The following ABCC8 variants were observed in gnomAD, a reference collection of about 807,000 sequenced individuals.
ABCC8 encodes the protein ATP-binding cassette sub-family C member 8.
Under a neutral mutation model 188.0 loss-of-function variants are expected in ABCC8, and 137 were observed. The observed-to-expected ratio is 0.73, with a 90% CI of 0.63 to 0.84. The LOEUF (loss-of-function observed/expected upper bound fraction) is 0.84. ABCC8 is among the 40% of genes least tolerant of loss of function. The probability of loss-of-function intolerance (pLI) is 0.00; values close to 1 mark genes in which losing one functional copy is unlikely to be tolerated. For synonymous variants in ABCC8, 797 were observed against 846.5 expected, an observed-to-expected ratio of 0.94 and a Z score of 1.01; for missense variants, 1,750 against 2,072.7, an observed-to-expected ratio of 0.84 and a Z score of 3.02.
Position 17,404,760 on chromosome 11 carries a change from T to C in ABCC8, c.3400-91A>G. The C allele has an allele frequency of 6.6e-7, 1 of 1,521,226 alleles. No homozygotes were observed. Among genetic ancestry groups the C allele is most frequent in the Non-Finnish European group, 8.9e-7 (1 of 1,123,016 alleles). 94.2% of individuals were successfully genotyped at this position (1,521,226 alleles called of 1,614,324 possible). A position where few individuals can be genotyped will look rare whatever the true frequency, so the allele number is the denominator to read the frequency against. ...GCCGCCATGTTTTGCTCTCACTTTATTTTTTGATCCTTTATTTTTTTGAGA... is the reference window on the plus strand; with the variant it reads ...GCCGCCATGTTTTGCTCTCACTTTACTTTTTGATCCTTTATTTTTTTGAGA... On this transcript the variant is annotated intron_variant, in intron 27 of 38. Coordinates refer to ENST00000389817, the MANE Select transcript of ABCC8 (RefSeq NM_000352.6). This position sits in a 1 kb window ranked among gnomAD's most constrained non-coding sequence, Gnocchi z 4.7.
chr11:17,472,951 C>T (rs563893954), intron 2 of ABCC8, among the ~76,000 whole-genome samples: 4 of 152,340 alleles, frequency 2.6e-5, no homozygotes, highest in South Asian at 2.1e-4. Context: ...ACACTGGGAA[C>T]AGCCAACACC....
chr11:17,428,926 T>A, intron 12 of ABCC8: 1 of 590,694 alleles, frequency 1.7e-6, no homozygotes, highest in Non-Finnish European at 3.0e-6. Flanking sequence ...AGGGTTAATG[T>A]TGAAGTTAGT....
chr11:17,448,957 C>A (rs981270273), intron 7 of ABCC8, among the ~76,000 whole-genome samples: 1 of 152,172 alleles, frequency 6.6e-6, no homozygotes, highest in Non-Finnish European at 1.5e-5. Context: ...GACAGAGTCT[C>A]GCTCTGCTTC....
chr11:17,411,935 C>T (rs1954826452), intron 21 of ABCC8, among the ~76,000 whole-genome samples: 1 of 150,712 alleles, frequency 6.6e-6, no homozygotes, highest in Admixed American at 6.6e-5. Context: ...GGTTTGTCCC[C>T]AGGCTGGAGT....
At chr11:17,396,630 G>A (rs1231697312) in intron 33 of ABCC8, 1 of 471,466 alleles carries the variant, frequency 2.1e-6, no homozygotes, top group Non-Finnish European at 3.9e-6. Context: ...CATTCGCAGA[G>A]AGGGAGGCCC....
intron 8 of ABCC8, 173 bp from the exon 9 acceptor site, chr11:17,443,485 C>A: frequency 9.5e-7 from 1 of 1,053,530 alleles, no homozygotes; most frequent in Non-Finnish European, 1.4e-6. Context: ...AAAGCAATTT[C>A]AAAAGGAGGT....
chr11:17,430,622 G>T, intron 12 of ABCC8, 192 bp downstream of exon 12: 1 of 715,170 alleles, frequency 1.4e-6, no homozygotes, highest in Non-Finnish European at 2.5e-6. Flanking sequence ...GCAAGTCCTT[G>T]CTCAGGGATG....
At chr11:17,409,364 T>C (rs1954700166) in intron 22 of ABCC8, among the ~76,000 whole-genome samples, 2 of 151,994 alleles carry the variant, frequency 1.3e-5, no homozygotes, top group Admixed American at 1.3e-4. Flanking sequence ...TATGCTGGGG[T>C]TCAAGGGGCT....
At chr11:17,461,846 G>A (rs772202163) in intron 4 of ABCC8, 21 bp from the exon 5 acceptor site, 3 of 1,613,344 alleles carry the variant, frequency 1.9e-6, no homozygotes, top group Admixed American at 1.7e-5. Context: ...CATGGGCCAT[G>A]GGGGATGGGT....
intron 12 of ABCC8, chr11:17,430,094 A>T (rs1361677105): frequency 6.4e-6 from 1 of 155,066 alleles, no homozygotes; most frequent in African/African-American, 2.4e-5. Context: ...CCAGCCCTCC[A>T]TAGAGGCATG....
At position 17,431,313 on chromosome 11, in the gene ABCC8, A is replaced by G. The variant is rs963803875; in HGVS notation, c.1672-354T>C. ...GCTCATCTCCCCAGTCCTCATCGGG[A>G]TAACGTAAACAGAGTGATTACGAAA... is the stretch of plus-strand genomic sequence containing the variant. On this transcript the variant is annotated intron_variant, in intron 11 of 38. Transcript: ENST00000389817. 2.1e-4 allele frequency among the ~76,000 whole-genome samples: 32 copies of G among 152,178 alleles called. 1 individual carries two copies. Among genetic ancestry groups the G allele is most frequent in the Admixed American group, 2.1e-3 (32 of 15,282 alleles).
At chr11:17,422,462 G>A (rs1055809949) in intron 16 of ABCC8, among the ~76,000 whole-genome samples, 14 of 152,068 alleles carry the variant, frequency 9.2e-5, no homozygotes, top group Admixed American at 4.6e-4. Context: ...ATTCATTTGC[G>A]AAATGAGTGA....
At chr11:17,421,373 G>C (rs191360866) in intron 16 of ABCC8, among the ~76,000 whole-genome samples, 2 of 152,194 alleles carry the variant, frequency 1.3e-5, no homozygotes, top group Non-Finnish European at 2.9e-5. Context: ...GAAACAGCTC[G>C]GACAAAGGCA....
At position 17,448,437 on chromosome 11, in the gene ABCC8, C is replaced by T. The variant is rs982849271; in HGVS notation, c.1332+79G>A. ...GCATGGAGTGGAAGACGGTGTGCTCCTAGTTACTGGCCATGGACCAGCAGA... is the reference window on the plus strand; with the variant it reads ...GCATGGAGTGGAAGACGGTGTGCTCTTAGTTACTGGCCATGGACCAGCAGA... On this transcript the variant is annotated intron_variant, in intron 8 of 38. Coordinates refer to ENST00000389817, the MANE Select transcript of ABCC8 (RefSeq NM_000352.6). 3.9e-6 allele frequency: 5 copies of T among 1,285,810 alleles called. No homozygotes were observed. In the Admixed American group the frequency reaches 8.4e-5, roughly 22 times the overall value. The allele number at this position is 1,285,810 out of a possible 1,614,324, so 79.7% of individuals were successfully genotyped here. A position where few individuals can be genotyped will look rare whatever the true frequency, so the allele number is the denominator to read the frequency against.
chr11:17,445,580 C>T (rs1036879752), intron 8 of ABCC8, among the ~76,000 whole-genome samples: 4 of 152,256 alleles, frequency 2.6e-5, no homozygotes, highest in Admixed American at 6.5e-5. Context: ...AAAAGCCTTA[C>T]GTGCCCTGTG....
chr11:17,453,410 G>C, intron 6 of ABCC8, 127 bp from the exon 7 acceptor site: 1 of 1,318,388 alleles, frequency 7.6e-7, no homozygotes, highest in Non-Finnish European at 1.1e-6. Flanking sequence ...GCAAAGGCTT[G>C]TGCAATTGTT....
At chr11:17,402,598 T>C in intron 29 of ABCC8, 63 bp downstream of exon 29, 2 of 1,613,998 alleles carry the variant, frequency 1.2e-6, no homozygotes, top group Admixed American at 3.3e-5. Flanking sequence ...TCAAATCTCA[T>C]GGCCTGTGCC....
chr11:17,434,163 G>T (rs530915065), intron 10 of ABCC8, among the ~76,000 whole-genome samples: 2 of 152,278 alleles, frequency 1.3e-5, no homozygotes, highest in African/African-American at 4.8e-5. Context: ...GGGAGGGCAG[G>T]GGCCTCTATT....
intron 10 of ABCC8, 30 bp from the exon 11 acceptor site, chr11:17,432,274 T>C (rs374759317): frequency 2.6e-6 from 4 of 1,551,626 alleles, no homozygotes; most frequent in Admixed American, 2.0e-5. Flanking sequence ...AGGCGTTTAG[T>C]GGGAGGAGCG....
Sources: gnomAD v4.1 joint callset for allele counts (sites outside exome capture counted in the v4.1 genomes callset) on GRCh38, gnomAD v4.1.1 for gene constraint, Gnocchi (gnomAD v3.1) non-coding constraint, MANE v1.5 for transcripts, NCBI Gene and HGNC (gene_info 2026-07-23, HGNC 2026-07-21) for gene names.